Variants in NELL1 observed in about 807,000 individuals in gnomAD.
NELL1 encodes the protein protein kinase C-binding protein NELL1.
A neutral mutation model predicts 107.4 loss-of-function variants in NELL1; 76 were observed. That is an observed-to-expected ratio of 0.71 (90% CI 0.59 to 0.86). NELL1 has a LOEUF of 0.86. Among genes scored for constraint, NELL1 ranks in the 40% least tolerant of loss-of-function variants. NELL1 has a pLI of 0.00. For missense variants in NELL1, 1,024 were observed against 1,005.5 expected, an observed-to-expected ratio of 1.02 and a Z score of -0.25; for synonymous variants, 353 against 341.2, an observed-to-expected ratio of 1.03 and a Z score of -0.38.
Position 20,863,201 on chromosome 11 carries a change from C to T in NELL1, c.506+15448C>T, listed in dbSNP as rs368471534. ...CCGGGCAGAGGCGCCCCTCACCTCC[C>T]GGACGGGGCCGCAGCCGGGCAGAGG... On this transcript the variant is annotated intron_variant, in intron 4 of 19. Coordinates refer to ENST00000357134, the MANE Select transcript of NELL1 (RefSeq NM_006157.5). Among the ~76,000 whole-genome samples, 147 of 139,242 alleles carry T rather than the reference C, an allele frequency of 1.1e-3. 4 individuals are homozygous for T. In the East Asian group the frequency reaches 0.022, roughly 21 times the overall value. 91.3% of individuals were successfully genotyped at this position (139,242 alleles called of 152,430 possible). A position where few individuals can be genotyped will look rare whatever the true frequency, so the allele number is the denominator to read the frequency against.
intron 14 of NELL1, among the ~76,000 whole-genome samples, chr11:21,276,638 C>G (rs1412794432): frequency 1.3e-5 from 2 of 152,194 alleles, no homozygotes; most frequent in East Asian, 3.9e-4. Context: ...CACTACCTGA[C>G]TTCAAACTAT....
intron 15 of NELL1, among the ~76,000 whole-genome samples, chr11:21,381,625 C>G (rs779465058): frequency 4.0e-5 from 6 of 151,826 alleles, no homozygotes; most frequent in Non-Finnish European, 8.8e-5. Flanking sequence ...AGCAGGTAAA[C>G]AGTAAAGCCA....
intron 14 of NELL1, among the ~76,000 whole-genome samples, chr11:21,314,191 C>A (rs1849821397): frequency 1.3e-5 from 2 of 152,060 alleles, no homozygotes. Context: ...TCAGGTATTT[C>A]TTTACAGCAA....
chr11:21,271,936 C>T (rs886683224), intron 14 of NELL1, among the ~76,000 whole-genome samples: 3 of 152,202 alleles, frequency 2.0e-5, no homozygotes, highest in African/African-American at 7.2e-5. Context: ...GCCAAGATGG[C>T]TGAATAGGAA....
chr11:21,117,749 A>G (rs1855272066), intron 13 of NELL1, among the ~76,000 whole-genome samples: 1 of 151,992 alleles, frequency 6.6e-6, no homozygotes, highest in South Asian at 2.1e-4. Flanking sequence ...AGCTGTTGGA[A>G]TGGTCACTAT....
In NELL1 at chr11:21,169,671, A is replaced by G. The variant is rs1251791250; in HGVS notation, c.1426+55957A>G. On this transcript the variant is annotated intron_variant, in intron 13 of 19. Transcript: ENST00000357134. ...TTTAGGCAAACCCCTTCCTTACTCC[A>G]TATGTACCTAATGGGACTGTAAATC... 4.6e-5 allele frequency: 25 copies of G among 539,286 alleles called. No individual in the cohort carries two copies. In the East Asian group the frequency reaches 6.7e-4, roughly 14 times the overall value. 33.4% of individuals were successfully genotyped at this position (539,286 alleles called of 1,614,324 possible).
intron 13 of NELL1, among the ~76,000 whole-genome samples, chr11:21,228,832 T>C (rs1457193222): frequency 6.6e-6 from 1 of 150,986 alleles, no homozygotes; most frequent in Non-Finnish European, 1.5e-5. Context: ...GTGGACATTT[T>C]AGGCTGGCTA....
At chr11:20,993,638 A>G (rs1482040179) in intron 12 of NELL1, among the ~76,000 whole-genome samples, 2 of 152,312 alleles carry the variant, frequency 1.3e-5, no homozygotes, top group East Asian at 3.9e-4. Flanking sequence ...CATATAACCT[A>G]TGCATATCCT....
At chr11:21,156,341 C>G (rs1279724219) in intron 13 of NELL1, among the ~76,000 whole-genome samples, 3 of 152,154 alleles carry the variant, frequency 2.0e-5, no homozygotes, top group African/African-American at 7.2e-5. Flanking sequence ...ACAGTTGCCT[C>G]TGCCAGAGTA....
intron 3 of NELL1, among the ~76,000 whole-genome samples, chr11:20,810,517 A>G (rs994452719): frequency 2.6e-5 from 4 of 152,208 alleles, no homozygotes; most frequent in Non-Finnish European, 2.9e-5. Flanking sequence ...ATAGTCTCCA[A>G]TCTCATCCAG....
At chr11:20,705,937 A>G (rs756045990) in intron 2 of NELL1, among the ~76,000 whole-genome samples, 3 of 152,236 alleles carry the variant, frequency 2.0e-5, no homozygotes, top group Non-Finnish European at 2.9e-5. Context: ...ACTGGCCATC[A>G]GAGAAATGCA....
chr11:21,410,208 A>C (rs1852341876), intron 15 of NELL1, among the ~76,000 whole-genome samples: 1 of 152,066 alleles, frequency 6.6e-6, no homozygotes. Context: ...ACACAAAAAA[A>C]CAAACCTGTT....
intron 13 of NELL1, among the ~76,000 whole-genome samples, chr11:21,223,493 T>C (rs1857814354): frequency 6.6e-6 from 1 of 152,182 alleles, no homozygotes; most frequent in African/African-American, 2.4e-5. Flanking sequence ...CTTCAGGTAG[T>C]TGGGTCTTAC....
At chr11:20,913,426 C>A (rs751376956) in intron 5 of NELL1, among the ~76,000 whole-genome samples, 2 of 152,074 alleles carry the variant, frequency 1.3e-5, no homozygotes, top group East Asian at 3.9e-4. Context: ...GAAGAGCTTG[C>A]TTAATCTTAG....
chr11:21,292,387 C>G (rs1849289140), intron 14 of NELL1, among the ~76,000 whole-genome samples: 1 of 152,270 alleles, frequency 6.6e-6, no homozygotes, highest in East Asian at 1.9e-4. Flanking sequence ...TGAAGGACCT[C>G]TTCCAGGAGA....
At chr11:20,895,251 G>C (rs1180920415) in intron 5 of NELL1, among the ~76,000 whole-genome samples, 1 of 86,458 alleles carries the variant, frequency 1.2e-5, no homozygotes, top group Non-Finnish European at 2.0e-5. Flanking sequence ...CAGCCTGGGC[G>C]ACAGAGCGAG....
chr11:21,541,136 T>TATCA (rs1392035411), intron 16 of NELL1, among the ~76,000 whole-genome samples: 5 of 152,134 alleles, frequency 3.3e-5, no homozygotes, highest in African/African-American at 1.2e-4. Context: ...TATTTTTACC[T>TATCA]ATCATATAAA....
Position 21,346,633 on chromosome 11 carries a change from TATTA to T in NELL1, c.1550-24215_1550-24212del, listed in dbSNP as rs201682251. 3.8e-3 allele frequency among the ~76,000 whole-genome samples: 556 copies of T among 148,114 alleles called. 4 individuals carry two copies. The highest frequency in any genetic ancestry group is 0.011 in the Middle Eastern group (3 of 280). On this transcript the variant is annotated intron_variant, in intron 14 of 19. Transcript: ENST00000357134. Reference sequence around the variant, plus strand: ...TGATATATATGCTGTATCAAATATATATTAATTATATGATATAATATCAATTTAT... The same window carrying T: ...TGATATATATGCTGTATCAAATATATATTATATGATATAATATCAATTTAT...
At chr11:21,489,789 C>G (rs1854751289) in intron 15 of NELL1, among the ~76,000 whole-genome samples, 1 of 151,962 alleles carries the variant, frequency 6.6e-6, no homozygotes, top group African/African-American at 2.4e-5. Context: ...ATAGAAGGAA[C>G]ATACCTCAAA....
Sources: allele counts gnomAD v4.1 joint callset (sites outside exome capture counted in the v4.1 genomes callset), GRCh38; gene constraint gnomAD v4.1.1; transcripts MANE v1.5; gene names NCBI Gene and HGNC (gene_info 2026-07-23, HGNC 2026-07-21).